The following DMRTA1 variants were observed in gnomAD, a reference collection of about 807,000 sequenced individuals.
DMRTA1 encodes the protein DMRT like family A1, also known as doublesex- and mab-3-related transcription factor A1.
Under a neutral mutation model 35.2 loss-of-function variants are expected in DMRTA1, and 34 were observed. That is an observed-to-expected ratio of 0.97 (90% CI 0.74 to 1.29). The LOEUF (loss-of-function observed/expected upper bound fraction) is 1.29. Among genes scored for constraint, DMRTA1 ranks in the 50% most tolerant of loss-of-function variants. DMRTA1 has a pLI of 0.00. For missense variants in DMRTA1, 824 were observed against 644.6 expected (o/e 1.28, Z -3.01); for synonymous variants, 344 against 276.6 (o/e 1.24, Z -2.42).
intron 1 of DMRTA1, 86 bp from the exon 2 acceptor site, chr9:22,450,978 A>G (rs1253030254): frequency 8.2e-6 from 11 of 1,335,330 alleles, no homozygotes; most frequent in Admixed American, 6.8e-5. Context: ...AATTAATTAT[A>G]TTATCCAGCA....
At position 22,447,649 on chromosome 9, in the gene DMRTA1, G is replaced by C. The variant is rs1284052596; in HGVS notation, c.584G>C (p.Gly195Ala). 4 of 1,611,008 alleles carry C rather than the reference G, an allele frequency of 2.5e-6. No individual in the cohort carries two copies. The highest frequency in any genetic ancestry group is 3.4e-6 in the Non-Finnish European group (4 of 1,179,338). Residue 195 changes from glycine to alanine, a missense_variant, in exon 1 of 2, where the codon GGA becomes GCA. Coordinates refer to ENST00000325870, the MANE Select transcript of DMRTA1 (RefSeq NM_022160.3). ...TGGPAAGAAL[G>A]LGALRQASGS... Reference sequence around the variant, plus strand: ...GGCCCTGCGGCGGGGGCTGCGCTGGGACTGGGTGCCTTGAGACAGGCCAGT... The same window carrying C: ...GGCCCTGCGGCGGGGGCTGCGCTGGCACTGGGTGCCTTGAGACAGGCCAGT...
chr9:22,452,171 G>T lies in DMRTA1; in HGVS notation c.*260G>T. On this transcript the variant is annotated 3_prime_UTR_variant, in exon 2 of 2. Coordinates refer to ENST00000325870, the MANE Select transcript of DMRTA1 (RefSeq NM_022160.3). Reference sequence around the variant, plus strand: ...AAAGCTATTTCAGGAAATATTTAATGAATTTTCTCCCTAAATTATCATTTG... The same window carrying T: ...AAAGCTATTTCAGGAAATATTTAATTAATTTTCTCCCTAAATTATCATTTG... The T allele has an allele frequency of 1.1e-5, 3 of 277,728 alleles. No homozygotes were observed. Among genetic ancestry groups the T allele is most frequent in the Non-Finnish European group, 2.0e-5 (3 of 149,936 alleles). The allele number at this position is 277,728 out of a possible 1,614,324, so 17.2% of individuals were successfully genotyped here.
rs765840976 is a variant in DMRTA1, at chr9:22,447,375, G to C, written c.310G>C (p.Gly104Arg). ...CAAGTGCGCCCGCTGTCGTAACCAT[G>C]GTGTGGTGTCAGCGCTCAAGGGCCA... ...TPKCARCRNH[G>R]VVSALKGHKR... is the part of the protein sequence containing the mutation. Residue 104 changes from glycine (G) to arginine (R), a missense_variant, in exon 1 of 2, where the codon GGT becomes CGT. By Grantham distance (125) the Gly-to-Arg change is moderately radical (BLOSUM62 -2). Transcript: ENST00000325870. 1.3e-6 allele frequency: 2 copies of C among 1,550,754 alleles called. No individual in the cohort carries two copies. Among genetic ancestry groups the C allele is most frequent in the Admixed American group, 1.9e-5 (1 of 52,542 alleles).
At position 22,447,476 on chromosome 9, in the gene DMRTA1, C is replaced by A. The variant is rs1818852952; in HGVS notation, c.411C>A (p.Ala137=). The A allele has an allele frequency of 6.4e-7, 1 of 1,556,876 alleles. No homozygotes were observed. Among genetic ancestry groups the A allele is most frequent in the Admixed American group, 1.9e-5 (1 of 53,118 alleles). ...TLIAERQRVM[A]AQVALRRQQA... ...TCGCCGAGCGCCAGCGCGTCATGGC[C>A]GCCCAGGTGGCGCTGCGCAGGCAGC... The change falls in exon 1 of 2, where the codon GCC becomes GCA. Residue 137 remains alanine (A), a synonymous_variant. Coordinates refer to ENST00000325870, the MANE Select transcript of DMRTA1 (RefSeq NM_022160.3).
chr9:22,447,428 C>T lies in DMRTA1; in HGVS notation c.363C>T (p.Cys121=), dbSNP rs1818851401. 3 of 1,552,546 alleles carry T rather than the reference C, an allele frequency of 1.9e-6. No homozygotes were observed. The highest frequency in any genetic ancestry group is 2.6e-6 in the Non-Finnish European group (3 of 1,150,058). ...AGCGCTTCTGCCGCTGGCGGGACTGCGCGTGTGCCAAGTGCACCCTGATCG... is the reference window on the plus strand; with the variant it reads ...AGCGCTTCTGCCGCTGGCGGGACTGTGCGTGTGCCAAGTGCACCCTGATCG... ...GHKRFCRWRD[C]ACAKCTLIAE... Residue 121 remains cysteine (C), a synonymous_variant, in exon 1 of 2, where the codon TGC becomes TGT. Coordinates refer to ENST00000325870, the MANE Select transcript of DMRTA1 (RefSeq NM_022160.3).
Position 22,451,467 on chromosome 9 carries a change from C to A in DMRTA1, c.1071C>A (p.Val357=). The A allele has an allele frequency of 6.2e-7, 1 of 1,614,110 alleles. No homozygotes were observed. The highest frequency in any genetic ancestry group is 1.1e-5 in the South Asian group (1 of 91,064). The change falls in exon 2 of 2, where the codon GTC becomes GTA. Residue 357 remains valine, a synonymous_variant. Transcript: ENST00000325870. ...GILRFCKGDV[V]QAIEQVLNGK... is the part of the protein sequence containing the mutation. ...TACGGTTCTGCAAAGGGGATGTGGT[C>A]CAAGCCATTGAACAGGTTTTAAATG...
In DMRTA1 at chr9:22,451,212, C is replaced by T. The variant is rs1029635429; in HGVS notation, c.816C>T (p.Asn272=). 6.2e-7 allele frequency: 1 copy of T among 1,614,082 alleles called. No homozygotes were observed. The highest frequency in any genetic ancestry group is 8.5e-7 in the Non-Finnish European group (1 of 1,179,974). Residue 272 remains asparagine (N), a synonymous_variant, in exon 2 of 2, where the codon AAC becomes AAT. Transcript: ENST00000325870. ...SIGSSISEYS[N]KPDSILSPHP... is the part of the protein sequence containing the mutation. ...GGTCATCTATTTCAGAATACTCCAA[C>T]AAGCCTGATAGTATCCTGTCTCCTC...
At position 22,447,321 on chromosome 9, in the gene DMRTA1, GCGGTGGGCTGCGGCTACC is replaced by G. The variant is rs1818848627; in HGVS notation, c.259_276del (p.Val87_Pro92del). 2 of 1,533,864 alleles carry G rather than the reference GCGGTGGGCTGCGGCTACC, an allele frequency of 1.3e-6. No individual in the cohort carries two copies. The highest frequency in any genetic ancestry group is 4.0e-5 in the Admixed American group (2 of 50,420). On this transcript the variant is annotated inframe_deletion, in exon 1 of 2. Coordinates refer to ENST00000325870, the MANE Select transcript of DMRTA1 (RefSeq NM_022160.3). ...TCCCGGGCTGGAGAGCGGGGTAGGC[GCGGTGGGCTGCGGCTACC>G]CGCGGACGCCCAAGTGCGCCCGCTG...
Position 22,451,254 on chromosome 9 carries a change from A to G in DMRTA1, c.858A>G (p.Ser286=), listed in dbSNP as rs1161187734. The G allele has an allele frequency of 6.2e-6, 10 of 1,614,004 alleles. No homozygotes were observed. Among genetic ancestry groups the G allele is most frequent in the South Asian group, 1.1e-5 (1 of 91,088 alleles). ...TGTCTCCTCATCCTGGAGAGCAATC[A>G]GGAGGTGAAGAGAGTCCCAGGTCCT... ...SILSPHPGEQ[S]GGEESPRSLS... Residue 286 remains serine (S), a synonymous_variant, in exon 2 of 2, where the codon TCA becomes TCG. Transcript: ENST00000325870.
chr9:22,449,076 A>G (rs1818884582), intron 1 of DMRTA1, among the ~76,000 whole-genome samples: 1 of 152,204 alleles, frequency 6.6e-6, no homozygotes. Flanking sequence ...TATAGAGCTA[A>G]TTATTTTACT....
In DMRTA1 at chr9:22,447,236, A is replaced by AGCGGCC. The variant is rs1361178776; in HGVS notation, c.180_185dup (p.Ala66_Ala67dup). The stretch of plus-strand genomic sequence containing the variant: ...GGCCGCCCAGCCTCTTTCTGCGAGC[A>AGCGGCC]GCGGCCGCGGCCGCCGCCGCCGCTG... On this transcript the variant is annotated inframe_insertion, in exon 1 of 2. Coordinates refer to ENST00000325870, the MANE Select transcript of DMRTA1 (RefSeq NM_022160.3). 6.6e-6 allele frequency: 10 copies of AGCGGCC among 1,526,126 alleles called. No homozygotes were observed. Among genetic ancestry groups the AGCGGCC allele is most frequent in the Admixed American group, 4.5e-5 (2 of 44,666 alleles). The allele number at this position is 1,526,126 out of a possible 1,614,324, so 94.5% of individuals were successfully genotyped here.
chr9:22,451,704 A>G lies in DMRTA1; in HGVS notation c.1308A>G (p.Pro436=). The change falls in exon 2 of 2, where the codon CCA becomes CCG. Residue 436 remains proline, a synonymous_variant. Coordinates refer to ENST00000325870, the MANE Select transcript of DMRTA1 (RefSeq NM_022160.3). ...YGVNPRVGIS[P]LRLAYSSAGR... ...TAAATCCTAGAGTAGGTATCAGTCC[A>G]TTAAGGCTGGCATATTCTTCTGCAG... is the stretch of plus-strand genomic sequence containing the variant. 2 of 1,614,130 alleles carry G rather than the reference A, an allele frequency of 1.2e-6. No individual in the cohort carries two copies. Among genetic ancestry groups the G allele is most frequent in the Non-Finnish European group, 1.7e-6 (2 of 1,179,956 alleles).
At position 22,451,387 on chromosome 9, in the gene DMRTA1, G is replaced by T; in HGVS notation, c.991G>T (p.Asp331Tyr). 1.2e-6 allele frequency: 2 copies of T among 1,614,118 alleles called. No homozygotes were observed. The highest frequency in any genetic ancestry group is 1.7e-6 in the Non-Finnish European group (2 of 1,179,996). The change falls in exon 2 of 2, where the codon GAT (aspartate) becomes TAT (tyrosine). Residue 331 changes from aspartate (D) to tyrosine (Y), a missense_variant. Transcript: ENST00000325870. ...GTCCTCAAGACCAAGAGATCCTCTT[G>T]ATATCCTTACTAAGATTTTCCCAAA... ...TVSSRPRDPL[D>Y]ILTKIFPNYR...
At chr9:22,447,957 A>G (rs796358516) in intron 1 of DMRTA1, among the ~76,000 whole-genome samples, 8 of 152,304 alleles carry the variant, frequency 5.3e-5, no homozygotes, top group African/African-American at 1.4e-4. Flanking sequence ...ATAGGATGAG[A>G]TAATGAAAAA....
chr9:22,447,585 G>A lies in DMRTA1; in HGVS notation c.520G>A (p.Gly174Arg). 6.3e-7 allele frequency: 1 copy of A among 1,599,836 alleles called. No homozygotes were observed. The highest frequency in any genetic ancestry group is 8.5e-7 in the Non-Finnish European group (1 of 1,174,414). The change falls in exon 1 of 2, where the codon GGG becomes AGG. Residue 174 changes from glycine to arginine, a missense_variant. Transcript: ENST00000325870. ...CTGGCCCCCCGGTGGTCGGGCATCC[G>A]GGGGCGGCGGCAGAGCCGAGAATCC... ...LSWPPGGRAS[G>R]GGGRAENPQS...
At position 22,447,723 on chromosome 9, in the gene DMRTA1, G is replaced by C; in HGVS notation, c.658G>C (p.Glu220Gln). 1 of 1,613,412 alleles carries C rather than the reference G, an allele frequency of 6.2e-7. No homozygotes were observed. Among genetic ancestry groups the C allele is most frequent in the Non-Finnish European group, 8.5e-7 (1 of 1,179,990 alleles). ...AGTTTTCCAGCAAGATTATCCTGAGGAAAAACAAGGTGAGTTGGTCTTTGA... is the reference window on the plus strand; with the variant it reads ...AGTTTTCCAGCAAGATTATCCTGAGCAAAAACAAGGTGAGTTGGTCTTTGA... ...FEVFQQDYPE[E>Q]KQEQKESKCE... Residue 220 changes from glutamate (E) to glutamine (Q), a missense_variant, in exon 1 of 2, where the codon GAA becomes CAA. Glu to Gln is a conservative substitution (Grantham distance 29). Transcript: ENST00000325870.
In DMRTA1 at chr9:22,452,250, A is replaced by T. The variant is rs1818942914; in HGVS notation, c.*339A>T. 5.0e-6 allele frequency: 1 copy of T among 200,000 alleles called. No homozygotes were observed. The highest frequency in any genetic ancestry group is 2.4e-5 in the African/African-American group (1 of 42,514). The allele number at this position is 200,000 out of a possible 1,614,324, so 12.4% of individuals were successfully genotyped here. A position where few individuals can be genotyped will look rare whatever the true frequency, so the allele number is the denominator to read the frequency against. ...TATTTTATTGAAAAGTGGAATTTTT[A>T]GTGATAAAATACATTTGTAAGTGTA... On this transcript the variant is annotated 3_prime_UTR_variant, in exon 2 of 2. Transcript: ENST00000325870.
intron 1 of DMRTA1, among the ~76,000 whole-genome samples, chr9:22,449,352 C>T (rs1388354930): frequency 6.6e-6 from 1 of 152,070 alleles, no homozygotes; most frequent in Non-Finnish European, 1.5e-5. Context: ...GCTTAATATA[C>T]AATGATAAAT....
chr9:22,449,412 A>G (rs1818890650), intron 1 of DMRTA1, among the ~76,000 whole-genome samples: 1 of 152,220 alleles, frequency 6.6e-6, no homozygotes, highest in African/African-American at 2.4e-5. Flanking sequence ...GAGAGACGAT[A>G]TAAGTGGTAT....
Sources: gnomAD v4.1 joint callset for allele counts (sites outside exome capture counted in the v4.1 genomes callset) on GRCh38, gnomAD v4.1.1 for gene constraint, MANE v1.5 for transcripts, NCBI Gene and HGNC (gene_info 2026-07-23, HGNC 2026-07-21) for gene names.